The following ATP2B2 variants were observed in gnomAD, a reference collection of about 807,000 sequenced individuals.
ATP2B2 encodes plasma membrane calcium-transporting ATPase 2.
A neutral mutation model predicts 120.0 loss-of-function variants in ATP2B2; 15 were observed. The ratio of observed to expected loss-of-function variants is 0.12; its 90% CI spans 0.08 to 0.19. The LOEUF is 0.19. Ranked by LOEUF, ATP2B2 falls within the 10% of genes least tolerant of loss-of-function variation. The probability of loss-of-function intolerance (pLI) is 1.00; values close to 1 mark genes in which losing one functional copy is unlikely to be tolerated. For synonymous variants in ATP2B2, 694 were observed against 700.3 expected, an observed-to-expected ratio of 0.99 and a Z score of 0.14; for missense variants, 1,045 against 1,719.8, an observed-to-expected ratio of 0.61 and a Z score of 6.94.
chr3:10,608,238 G>A (rs1302155356), intron 2 of ATP2B2, among the ~76,000 whole-genome samples: 1 of 152,196 alleles, frequency 6.6e-6, no homozygotes, highest in African/African-American at 2.4e-5. Flanking sequence ...AAGATGCAAA[G>A]CTGACCACAT....
At position 10,340,271 on chromosome 3, in the gene ATP2B2, T is replaced by C. The variant is rs1457666923; in HGVS notation, c.3208A>G (p.Ile1070Val). 1.2e-6 allele frequency: 2 copies of C among 1,614,172 alleles called. No homozygotes were observed. Among genetic ancestry groups the C allele is most frequent in the East Asian group, 2.2e-5 (1 of 44,882 alleles). The change falls in exon 21 of 23, where the codon ATT becomes GTT. Residue 1070 changes from isoleucine to valine, a missense_variant. By Grantham distance (29) the Ile-to-Val change is conservative. Transcript: ENST00000360273. This position sits in a 1 kb window ranked among gnomAD's most constrained non-coding sequence, Gnocchi z 5.0. ...QLDQWMWCIFIGLGELVWGQV... is the reference protein window; with the variant it reads ...QLDQWMWCIFVGLGELVWGQV... Reference sequence around the variant, plus strand: ...CCCCAAACGAGCTCTCCTAACCCAATGAATATGCACCACATCCACTGGTCC... The same window carrying C: ...CCCCAAACGAGCTCTCCTAACCCAACGAATATGCACCACATCCACTGGTCC...
intron 1 of ATP2B2, among the ~76,000 whole-genome samples, chr3:10,484,731 C>A (rs1309835885): frequency 1.3e-5 from 2 of 152,190 alleles, no homozygotes; most frequent in Non-Finnish European, 2.9e-5. Context: ...TACATTGCCT[C>A]CAGATGCAGA....
At chr3:10,691,773 C>A (rs2071667659) in intron 1 of ATP2B2, among the ~76,000 whole-genome samples, 2 of 152,218 alleles carry the variant, frequency 1.3e-5, no homozygotes, top group South Asian at 4.1e-4. Flanking sequence ...TTCTACATGT[C>A]TGCACTTAGG....
Position 10,371,897 on chromosome 3 carries a change from A to G in ATP2B2, c.1571T>C (p.Ile524Thr). Residue 524 changes from isoleucine to threonine, a missense_variant, in exon 12 of 23, where the codon ATC becomes ACC. Ile to Thr is a moderately conservative substitution (Grantham distance 89). Transcript: ENST00000360273. ...GGTGTTGATGGAGCTGGGGTCGGGG[A>G]TCTCTTTATAGTGGACGTCGCCGAC... ...AYVGDVHYKE[I>T]PDPSSINTKT... 5.0e-6 allele frequency: 8 copies of G among 1,613,932 alleles called. No homozygotes were observed. The highest frequency in any genetic ancestry group is 1.7e-5 in the Admixed American group (1 of 59,996).
chr3:10,559,017 C>T (rs577989739), intron 2 of ATP2B2, among the ~76,000 whole-genome samples: 81 of 152,328 alleles, frequency 5.3e-4, no homozygotes, highest in Admixed American at 1.8e-3. Flanking sequence ...CCTTCAAACA[C>T]TAATTTGTTT....
At chr3:10,512,020 G>C (rs973135976) in intron 3 of ATP2B2, among the ~76,000 whole-genome samples, 2 of 152,158 alleles carry the variant, frequency 1.3e-5, no homozygotes, top group African/African-American at 4.8e-5. Flanking sequence ...AGCACCTACT[G>C]TGTGCCAGGC....
At chr3:10,339,729 G>A (rs919484193) in intron 21 of ATP2B2, among the ~76,000 whole-genome samples, 2 of 152,288 alleles carry the variant, frequency 1.3e-5, no homozygotes, top group African/African-American at 4.8e-5. Flanking sequence ...TCCTGCTTGC[G>A]TTCCCTCTGA....
Position 10,326,258 on chromosome 3 carries a change from CGTGTGTGT to C in ATP2B2, c.*2548_*2555del, listed in dbSNP as rs113724179. 1 of 153,094 alleles carries C rather than the reference CGTGTGTGT, an allele frequency of 6.5e-6. No homozygotes were observed. The highest frequency in any genetic ancestry group is 6.6e-5 in the Admixed American group (1 of 15,188). The allele number at this position is 153,094 out of a possible 1,614,324, so 9.5% of individuals were successfully genotyped here. A position where few individuals can be genotyped will look rare whatever the true frequency, so the allele number is the denominator to read the frequency against. The stretch of plus-strand genomic sequence containing the variant: ...GTGAGTTTTGACAAACCAACCATTT[CGTGTGTGT>C]GTGTGTGTATGTGTGCAAGTGTGAG... On this transcript the variant is annotated 3_prime_UTR_variant, in exon 23 of 23. Coordinates refer to ENST00000360273, the MANE Select transcript of ATP2B2 (RefSeq NM_001001331.4).
chr3:10,597,378 T>C (rs913405980), intron 2 of ATP2B2, among the ~76,000 whole-genome samples: 2 of 144,828 alleles, frequency 1.4e-5, no homozygotes, highest in Non-Finnish European at 3.0e-5. Context: ...CAGAGGCACA[T>C]ACACACAGGC....
intron 1 of ATP2B2, among the ~76,000 whole-genome samples, chr3:10,498,750 C>G (rs555263033): frequency 1.3e-5 from 2 of 152,330 alleles, no homozygotes; most frequent in East Asian, 3.9e-4. Flanking sequence ...TGCTTGGACC[C>G]CAAACGGTGT....
intron 8 of ATP2B2, among the ~76,000 whole-genome samples, chr3:10,382,352 T>C (rs940424915): frequency 2.0e-5 from 3 of 150,852 alleles, no homozygotes; most frequent in East Asian, 2.0e-4. Flanking sequence ...GTATAATTTT[T>C]TTTTTCTTTT....
At chr3:10,539,575 C>G (rs902305048) in intron 2 of ATP2B2, among the ~76,000 whole-genome samples, 6 of 152,150 alleles carry the variant, frequency 3.9e-5, no homozygotes, top group African/African-American at 1.4e-4. Context: ...AATCTACAAC[C>G]ATCTGATCTT....
At chr3:10,371,221 G>C (rs1171166677) in intron 12 of ATP2B2, among the ~76,000 whole-genome samples, 1 of 152,218 alleles carries the variant, frequency 6.6e-6, no homozygotes, top group African/African-American at 2.4e-5. Flanking sequence ...GCACACTTCT[G>C]TCCTCTCTCA....
intron 1 of ATP2B2, among the ~76,000 whole-genome samples, chr3:10,499,659 T>C (rs896636168): frequency 6.6e-6 from 1 of 152,200 alleles, no homozygotes; most frequent in African/African-American, 2.4e-5. Context: ...CTGCCACATG[T>C]TGGTCTCCTG....
At chr3:10,573,107 G>T (rs2068163581) in intron 2 of ATP2B2, among the ~76,000 whole-genome samples, 1 of 150,644 alleles carries the variant, frequency 6.6e-6, no homozygotes. Context: ...AGATAAAATG[G>T]TTTTTATTTT....
chr3:10,507,794 G>A (rs980290287), upstream of ATP2B2, among the ~76,000 whole-genome samples: 1 of 152,220 alleles, frequency 6.6e-6, no homozygotes, highest in Admixed American at 6.5e-5. Context: ...GCTGCCGTGA[G>A]CACCCAAGGT....
At chr3:10,585,703 T>C (rs73811935) in intron 2 of ATP2B2, among the ~76,000 whole-genome samples, 2,047 of 152,080 alleles carry the variant, frequency 0.013, 38 homozygotes, top group African/African-American at 0.037. Flanking sequence ...ACATGTTCCC[T>C]GAGATGTGTG....
intron 2 of ATP2B2, among the ~76,000 whole-genome samples, chr3:10,598,006 G>A (rs762260183): frequency 7.2e-5 from 11 of 152,248 alleles, no homozygotes; most frequent in African/African-American, 2.6e-4. Context: ...TGGGCTACTG[G>A]GGGGCAGGAA....
At position 10,657,564 on chromosome 3, in the gene ATP2B2, T is replaced by C. The variant is rs543441025; in HGVS notation, c.-459-37603A>G. Among the ~76,000 whole-genome samples the C allele has an allele frequency of 3.5e-4, 53 of 152,306 alleles. No individual in the cohort carries two copies. The South Asian group carries it at 0.011, about 32-fold the overall frequency. On this transcript the variant is annotated intron_variant, in intron 1 of 21. Coordinates refer to the ATP2B2 transcript ENST00000646379. ...GAGGCTTGGGGAGGGGGGCCTGCCA[T>C]TGCTGTGGCTTGAGTAGGTAAACAA... is the stretch of plus-strand genomic sequence containing the variant.
Sources: gnomAD v4.1 joint callset for allele counts (sites outside exome capture counted in the v4.1 genomes callset) on GRCh38, gnomAD v4.1.1 for gene constraint, Gnocchi (gnomAD v3.1) non-coding constraint, MANE v1.5 for transcripts, NCBI Gene and HGNC (gene_info 2026-07-23, HGNC 2026-07-21) for gene names.